FGF13: variants seen among roughly 807,000 people sequenced by gnomAD.
FGF13 encodes fibroblast growth factor 13.
A neutral mutation model predicts 19.5 loss-of-function variants in FGF13; 2 were observed. The ratio of observed to expected loss-of-function variants is 0.10; its 90% CI spans 0.04 to 0.32. The LOEUF (loss-of-function observed/expected upper bound fraction) is 0.32, where lower values mean the gene tolerates loss of function less well. FGF13 is among the 10% of genes least tolerant of loss of function. The pLI is 1.00. For missense variants in FGF13, 113 were observed against 192.7 expected (o/e 0.59, Z 2.45); for synonymous variants, 72 against 76.9 (o/e 0.94, Z 0.33).
Position 138,721,008 on chromosome X carries a change from G to A in FGF13, c.29-12080C>T, listed in dbSNP as rs150788396. ...GATCGTCTTCTTTTTCCTACTGATC[G>A]CATTCAGTACATATTGTCAACATTG... On this transcript the variant is annotated intron_variant, in intron 1 of 4. Coordinates refer to the FGF13 transcript ENST00000305414. Among the ~76,000 whole-genome samples the A allele has an allele frequency of 1.3e-3, 141 of 111,661 alleles. 1 individual carries two copies. The highest frequency in any genetic ancestry group is 2.4e-3 in the Non-Finnish European group (128 of 53,098).
rs145307079 is a variant in FGF13, at chrX:138,795,033, A to C, written c.217+62479T>G. On this transcript the variant is annotated intron_variant, in intron 3 of 6. Coordinates refer to the FGF13 transcript ENST00000436198. ...CATTCTGTTGGGAGTTCTCTTTATA[A>C]CTACGAACTCAGAGTATAGGAGGGG... Among the ~76,000 whole-genome samples, 385 of 111,963 alleles carry C rather than the reference A, an allele frequency of 3.4e-3. 3 individuals carry two copies. Among genetic ancestry groups the C allele is most frequent in the African/African-American group, 0.011 (334 of 30,840 alleles).
intron 3 of FGF13, among the ~76,000 whole-genome samples, chrX:138,676,161 G>A (rs980486145): frequency 1.8e-5 from 2 of 111,681 alleles, no homozygotes; most frequent in African/African-American, 6.5e-5. Context: ...AGGGGGAAAA[G>A]CAACTAAAGA....
intron 1 of FGF13, among the ~76,000 whole-genome samples, chrX:138,936,232 C>T (rs188504860): frequency 2.7e-5 from 3 of 112,358 alleles, no homozygotes; most frequent in African/African-American, 6.4e-5. Flanking sequence ...CTCTATCCCT[C>T]GGATGCTTCT....
chrX:139,088,540 G>GAA (rs142651925), intron 1 of FGF13, among the ~76,000 whole-genome samples: 8,657 of 65,471 alleles, frequency 0.13, 383 homozygotes, highest in South Asian at 0.22. Context: ...TTACTTGCAA[G>GAA]AAAAAAAAAA....
intron 1 of FGF13, among the ~76,000 whole-genome samples, chrX:139,119,556 C>T (rs1003883722): frequency 9.0e-6 from 1 of 111,525 alleles, no homozygotes; most frequent in African/African-American, 3.3e-5. Flanking sequence ...CTTGTAGGCT[C>T]ATGGCTAAGG....
intron 1 of FGF13, among the ~76,000 whole-genome samples, chrX:138,960,950 C>T (rs55634244): frequency 3.1e-4 from 35 of 111,395 alleles, no homozygotes; most frequent in East Asian, 1.4e-3. Flanking sequence ...GCGATGAGTT[C>T]GAACATCCTC....
At chrX:138,796,062 TTTTAA>T (rs1324620789) in intron 3 of FGF13, among the ~76,000 whole-genome samples, 1 of 111,300 alleles carries the variant, frequency 9.0e-6, no homozygotes, top group Non-Finnish European at 1.9e-5. Context: ...TTTCTTTTTT[TTTTAA>T]TTTTACTTTA....
In FGF13 at chrX:138,616,120, A is replaced by C. The variant is rs1309202331; in HGVS notation, c.*16730T>G. ...CAAAACACAATCATGCCCTTCCAAT[A>C]GTCCCCCAAAGTATTAACTCATTCA... is the stretch of plus-strand genomic sequence containing the variant. On this transcript the variant is annotated 3_prime_UTR_variant, in exon 5 of 5. Transcript: ENST00000315930. 8.9e-6 allele frequency: 1 copy of C among 111,881 alleles called. No individual in the cohort carries two copies. The highest frequency in any genetic ancestry group is 1.9e-5 in the Non-Finnish European group (1 of 53,207). The allele number at this position is 111,881 out of a possible 1,213,427, so 9.2% of individuals were successfully genotyped here.
chrX:139,073,133 TC>T (rs112886945), intron 1 of FGF13, among the ~76,000 whole-genome samples: 17,202 of 104,044 alleles, frequency 0.17, 1,312 homozygotes, highest in African/African-American at 0.29. Context: ...GAGCTGTTTT[TC>T]CCCCCCCCCT....
chrX:139,183,051 G>A (rs1277022302), intron 1 of FGF13, among the ~76,000 whole-genome samples: 2 of 111,277 alleles, frequency 1.8e-5, no homozygotes, highest in African/African-American at 6.5e-5. Context: ...TTATATAACA[G>A]ATGGGCACTT....
At chrX:138,742,489 GCTCTCT>G (rs10605205), upstream of FGF13, among the ~76,000 whole-genome samples, 17 of 103,754 alleles carry the variant, frequency 1.6e-4, no homozygotes, top group South Asian at 1.8e-3. Context: ...TCAGCAAGGG[GCTCTCT>G]CTCTCTCTCT....
At chrX:139,036,569 C>T (rs771765633) in intron 1 of FGF13, among the ~76,000 whole-genome samples, 1 of 111,309 alleles carries the variant, frequency 9.0e-6, no homozygotes, top group Non-Finnish European at 1.9e-5. Context: ...CTCAAAAGCC[C>T]TAGGTTTCTG....
intron 3 of FGF13, among the ~76,000 whole-genome samples, chrX:138,841,792 A>G (rs894529993): frequency 8.9e-6 from 1 of 111,765 alleles, no homozygotes; most frequent in African/African-American, 3.2e-5. Flanking sequence ...TGTCCCCCAA[A>G]ATATTATGTG....
chrX:138,918,521 T>A (rs900431508), intron 1 of FGF13, among the ~76,000 whole-genome samples: 2 of 111,655 alleles, frequency 1.8e-5, no homozygotes, highest in Non-Finnish European at 3.8e-5. Flanking sequence ...AGGTCTTAGG[T>A]CTGCTTATTT....
chrX:139,019,075 A>C (rs961550438), intron 1 of FGF13, among the ~76,000 whole-genome samples: 5 of 111,392 alleles, frequency 4.5e-5, no homozygotes, highest in Non-Finnish European at 9.4e-5. Flanking sequence ...AAGTCATAGA[A>C]TGTTGTAAAT....
chrX:138,734,199 T>C (rs941790297), intron 1 of FGF13, among the ~76,000 whole-genome samples: 13 of 111,924 alleles, frequency 1.2e-4, no homozygotes, highest in African/African-American at 4.2e-4. Context: ...TGCAATCCAG[T>C]GCAGTTTCCC....
At chrX:138,891,074 G>A in intron 1 of FGF13, among the ~76,000 whole-genome samples, 1 of 111,800 alleles carries the variant, frequency 8.9e-6, no homozygotes, top group Non-Finnish European at 1.9e-5. Context: ...AGCAGATCAC[G>A]AGGTCAGGAG....
intron 1 of FGF13, among the ~76,000 whole-genome samples, chrX:138,896,454 C>T (rs926635617): frequency 2.7e-5 from 3 of 111,740 alleles, no homozygotes; most frequent in Non-Finnish European, 5.6e-5. Context: ...TCTAGCCTCT[C>T]ACTTTCCTAA....
chrX:138,817,570 G>A (rs772200058), intron 3 of FGF13, among the ~76,000 whole-genome samples: 3 of 111,762 alleles, frequency 2.7e-5, no homozygotes, highest in African/African-American at 9.7e-5. Context: ...TGTCAGTGGT[G>A]TGTCATGAAT....
Sources: gnomAD v4.1 joint callset for allele counts (sites outside exome capture counted in the v4.1 genomes callset) on GRCh38, gnomAD v4.1.1 for gene constraint, MANE v1.5 for transcripts, NCBI Gene and HGNC (gene_info 2026-07-23, HGNC 2026-07-21) for gene names.